The following SLC31A1 variants were observed in gnomAD, a reference collection of about 807,000 sequenced individuals.
The protein encoded by SLC31A1 is solute carrier family 31 member 1.
Under a neutral mutation model 17.2 loss-of-function variants are expected in SLC31A1, and 5 were observed. The observed-to-expected ratio is 0.29, with a 90% confidence interval of 0.15 to 0.61. The LOEUF is 0.61. Ranked by LOEUF, SLC31A1 falls within the 20% of genes least tolerant of loss-of-function variation. The pLI is 0.86. For synonymous variants in SLC31A1, 76 were observed against 78.8 expected (o/e 0.96, Z 0.19); for missense variants, 161 against 241.4 (o/e 0.67, Z 2.21).
rs1475504806 is a variant in SLC31A1, at chr9:113,261,732, C to CA, written c.*1262dup. On this transcript the variant is annotated 3_prime_UTR_variant, in exon 5 of 5. Transcript: ENST00000374212. ...TGCTGGGCCTCAACCCAAAAGCCCC[C>CA]AAAGTGGCACTTCTGAGTTCCTGCT... 1.3e-5 allele frequency: 2 copies of CA among 152,570 alleles called. No homozygotes were observed. Among genetic ancestry groups the CA allele is most frequent in the African/African-American group, 2.4e-5 (1 of 41,442 alleles). 9.5% of individuals were successfully genotyped at this position (152,570 alleles called of 1,614,324 possible). A position where few individuals can be genotyped will look rare whatever the true frequency, so the allele number is the denominator to read the frequency against.
chr9:113,242,275 T>C (rs1305427488), intron 1 of SLC31A1, among the ~76,000 whole-genome samples: 1 of 152,122 alleles, frequency 6.6e-6, no homozygotes, highest in Non-Finnish European at 1.5e-5. Context: ...TAAGAAACAA[T>C]GTAGGCAAAG....
chr9:113,233,063 T>C (rs755777131), intron 1 of SLC31A1, among the ~76,000 whole-genome samples: 7 of 152,240 alleles, frequency 4.6e-5, no homozygotes, highest in Non-Finnish European at 1.0e-4. Context: ...ATAAACATCC[T>C]TAGTTTAGAG....
chr9:113,244,649 T>C (rs1478969631), intron 1 of SLC31A1, among the ~76,000 whole-genome samples: 2 of 152,220 alleles, frequency 1.3e-5, no homozygotes, highest in African/African-American at 4.8e-5. Context: ...GAATTTATTA[T>C]AGATGATCCC....
At position 113,261,357 on chromosome 9, in the gene SLC31A1, G is replaced by A. The variant is rs1238587439; in HGVS notation, c.*884G>A. 1 of 152,682 alleles carries A rather than the reference G, an allele frequency of 6.5e-6. No individual in the cohort carries two copies. The highest frequency in any genetic ancestry group is 1.5e-5 in the Non-Finnish European group (1 of 68,124). The allele number at this position is 152,682 out of a possible 1,614,324, so 9.5% of individuals were successfully genotyped here. On this transcript the variant is annotated 3_prime_UTR_variant, in exon 5 of 5. Coordinates refer to ENST00000374212, the MANE Select transcript of SLC31A1 (RefSeq NM_001859.4). ...TGTGATACGTTATACCAAAATCTTT[G>A]TAGTGTGCAGAGCGGTGGTTTGAGA...
chr9:113,237,114 A>G (rs904142916), intron 1 of SLC31A1, among the ~76,000 whole-genome samples: 1 of 152,244 alleles, frequency 6.6e-6, no homozygotes, highest in Non-Finnish European at 1.5e-5. Context: ...TATTCACAGA[A>G]TGCCAAAATG....
chr9:113,222,973 C>A (rs768894442), intron 1 of SLC31A1, among the ~76,000 whole-genome samples: 1 of 152,038 alleles, frequency 6.6e-6, no homozygotes, highest in Non-Finnish European at 1.5e-5. Flanking sequence ...GTATTTTTAA[C>A]ATGGAATGAA....
At chr9:113,244,155 C>CAAAAAAAAAAA (rs1200835310) in intron 1 of SLC31A1, among the ~76,000 whole-genome samples, 1 of 41,308 alleles carries the variant, frequency 2.4e-5, no homozygotes, top group Admixed American at 2.9e-4. Context: ...AACTCCATCT[C>CAAAAAAAAAAA]AAAAAAAAAA....
intron 1 of SLC31A1, among the ~76,000 whole-genome samples, chr9:113,240,690 A>G (rs902281992): frequency 2.4e-4 from 37 of 152,162 alleles, no homozygotes; most frequent in African/African-American, 8.9e-4. Flanking sequence ...AAATGAGGGG[A>G]AAAAATAAAA....
At chr9:113,255,731 C>T (rs114184530) in intron 1 of SLC31A1, 10,270 of 157,430 alleles carry the variant, frequency 0.065, 420 homozygotes, top group African/African-American at 0.1. Context: ...TGTAGCCCTA[C>T]GTGTAAACCC....
intron 1 of SLC31A1, among the ~76,000 whole-genome samples, chr9:113,231,780 A>G (rs1443021559): frequency 6.6e-6 from 1 of 152,230 alleles, no homozygotes; most frequent in Non-Finnish European, 1.5e-5. Flanking sequence ...TTTAGAAGAT[A>G]GAGTTTGATT....
chr9:113,235,821 G>A (rs913014900), intron 1 of SLC31A1, among the ~76,000 whole-genome samples: 2 of 152,212 alleles, frequency 1.3e-5, no homozygotes, highest in Non-Finnish European at 2.9e-5. Context: ...TCTTGCCCTT[G>A]CTGTTTCTGC....
intron 1 of SLC31A1, among the ~76,000 whole-genome samples, chr9:113,249,298 C>CA (rs56013452): frequency 0.032 from 3,759 of 117,984 alleles, 70 homozygotes; most frequent in Non-Finnish European, 0.047. Context: ...CCTCAATTGG[C>CA]AAAAAAAAAA....
intron 1 of SLC31A1, among the ~76,000 whole-genome samples, chr9:113,253,006 T>A (rs1831676090): frequency 6.9e-6 from 1 of 144,950 alleles, no homozygotes; most frequent in East Asian, 2.1e-4. Context: ...CAAGCTGGAG[T>A]GCAGTGGCGC....
intron 1 of SLC31A1, among the ~76,000 whole-genome samples, chr9:113,234,211 T>TA (rs558576188): frequency 6.6e-6 from 1 of 151,976 alleles, no homozygotes; most frequent in Non-Finnish European, 1.5e-5. Context: ...TTTTTTTTTT[T>TA]ATTTTTTGAG....
chr9:113,223,412 G>T (rs1409262503), intron 1 of SLC31A1, among the ~76,000 whole-genome samples: 1 of 151,980 alleles, frequency 6.6e-6, no homozygotes, highest in Admixed American at 6.6e-5. Flanking sequence ...CAGGAAATCT[G>T]AATTCCTGTC....
chr9:113,256,507 G>C, intron 2 of SLC31A1: 11 of 409,930 alleles, frequency 2.7e-5, no homozygotes, highest in Admixed American at 3.8e-5. Flanking sequence ...GGTCCCTTCT[G>C]AAATCGACTC....
At chr9:113,254,038 T>C (rs562678168) in intron 1 of SLC31A1, among the ~76,000 whole-genome samples, 55 of 132,746 alleles carry the variant, frequency 4.1e-4, no homozygotes, top group African/African-American at 1.5e-3. Context: ...CACTGAAACC[T>C]CCACCTCCCA....
At chr9:113,248,884 G>A (rs1831615222) in intron 1 of SLC31A1, among the ~76,000 whole-genome samples, 1 of 152,142 alleles carries the variant, frequency 6.6e-6, no homozygotes, top group Non-Finnish European at 1.5e-5. Context: ...CTAATATTTT[G>A]ATTAATGCCT....
chr9:113,251,789 C>T (rs16931182), intron 1 of SLC31A1, among the ~76,000 whole-genome samples: 11,234 of 152,148 alleles, frequency 0.074, 710 homozygotes, highest in East Asian at 0.34. Context: ...GGCATATTCC[C>T]GTGGGATCTT....
Sources: gnomAD v4.1 joint callset for allele counts (sites outside exome capture counted in the v4.1 genomes callset) on GRCh38, gnomAD v4.1.1 for gene constraint, MANE v1.5 for transcripts, NCBI Gene and HGNC (gene_info 2026-07-23, HGNC 2026-07-21) for gene names.